Variants in CREB3L2 observed in about 807,000 individuals in gnomAD.
CREB3L2 encodes the protein cyclic AMP-responsive element-binding protein 3-like protein 2.
Under a neutral mutation model 57.2 loss-of-function variants are expected in CREB3L2, and 23 were observed. The ratio of observed to expected loss-of-function variants is 0.40; its 90% confidence interval spans 0.29 to 0.57. The LOEUF is 0.57. Among genes scored for constraint, CREB3L2 ranks in the 20% least tolerant of loss-of-function variants. The pLI is 0.42. For missense variants in CREB3L2, 628 were observed against 634.7 expected, an observed-to-expected ratio of 0.99 and a Z score of 0.11; for synonymous variants, 268 against 265.1, an observed-to-expected ratio of 1.01 and a Z score of -0.11.
chr7:137,975,008 A>G (rs1415397483), intron 1 of CREB3L2, among the ~76,000 whole-genome samples: 1 of 152,236 alleles, frequency 6.6e-6, no homozygotes, highest in Non-Finnish European at 1.5e-5. Flanking sequence ...TTACAGAATG[A>G]GAAGAAATGA....
In CREB3L2 at chr7:137,928,184, G is replaced by A. The variant is rs1192634939; in HGVS notation, c.285C>T (p.Phe95=). 1.9e-6 allele frequency: 3 copies of A among 1,589,968 alleles called. No individual in the cohort carries two copies. Among genetic ancestry groups the A allele is most frequent in the Admixed American group, 1.8e-5 (1 of 56,338 alleles). ...AGCTGTCACTGGTGGTAATGTGGGTGAAGGGCGACTGGGCCCGAGGCTCCT... is the reference window on the plus strand; with the variant it reads ...AGCTGTCACTGGTGGTAATGTGGGTAAAGGGCGACTGGGCCCGAGGCTCCT... The part of the protein sequence containing the change: ...LCEEPRAQSP[F]THITTSDSFN... The change falls in exon 2 of 12, where the codon TTC becomes TTT. Residue 95 remains phenylalanine, a synonymous_variant. Transcript: ENST00000330387.
chr7:137,943,353 C>T (rs1563261291), intron 1 of CREB3L2, among the ~76,000 whole-genome samples: 1 of 151,934 alleles, frequency 6.6e-6, no homozygotes, highest in Non-Finnish European at 1.5e-5. Context: ...AGAATGGCTT[C>T]CCTTGAGGAT....
In CREB3L2 at chr7:137,923,256, G is replaced by C. The variant is rs1387624228; in HGVS notation, c.319+4894C>G. Reference sequence around the variant, plus strand: ...AGCACTGCAATGGCTACGCAGAGAAGTCATTATTTTACTTTTTTCAAAAAA... The same window carrying C: ...AGCACTGCAATGGCTACGCAGAGAACTCATTATTTTACTTTTTTCAAAAAA... On this transcript the variant is annotated intron_variant, in intron 2 of 11. Coordinates refer to ENST00000330387, the MANE Select transcript of CREB3L2 (RefSeq NM_194071.4). Among the ~76,000 whole-genome samples the C allele has an allele frequency of 2.0e-5, 3 of 152,238 alleles. No individual in the cohort carries two copies. The East Asian group carries it at 5.8e-4, about 29-fold the overall frequency.
At chr7:137,881,751 C>T (rs925547910) in intron 11 of CREB3L2, among the ~76,000 whole-genome samples, 1 of 152,142 alleles carries the variant, frequency 6.6e-6, no homozygotes, top group Non-Finnish European at 1.5e-5. Flanking sequence ...GGGACCTCCC[C>T]TATTACAACA....
At chr7:137,934,687 A>C (rs926670127) in intron 1 of CREB3L2, among the ~76,000 whole-genome samples, 11 of 152,260 alleles carry the variant, frequency 7.2e-5, no homozygotes, top group African/African-American at 2.7e-4. Flanking sequence ...AAACATGCCA[A>C]GAGTTTGTTA....
chr7:137,999,579 TAACA>T (rs1382646529), intron 1 of CREB3L2: 5 of 152,078 alleles, frequency 3.3e-5, no homozygotes, highest in African/African-American at 9.7e-5. Flanking sequence ...TCAGCTAGAG[TAACA>T]AACAGCTCTG....
chr7:137,963,983 T>G (rs1801366013), intron 1 of CREB3L2, among the ~76,000 whole-genome samples: 1 of 152,246 alleles, frequency 6.6e-6, no homozygotes, highest in African/African-American at 2.4e-5. Context: ...AATAAATTCC[T>G]AGAAGATCCT....
intron 1 of CREB3L2, among the ~76,000 whole-genome samples, chr7:137,948,561 C>T (rs750707978): frequency 2.6e-5 from 4 of 152,144 alleles, no homozygotes; most frequent in Non-Finnish European, 5.9e-5. Context: ...AAAGCCACTG[C>T]AAGTTAACAG....
At chr7:137,881,350 C>T (rs142576487) in intron 11 of CREB3L2, among the ~76,000 whole-genome samples, 23 of 152,260 alleles carry the variant, frequency 1.5e-4, no homozygotes, top group Admixed American at 1.3e-3. Flanking sequence ...ATTGACATGA[C>T]GCTCAAAGGA....
intron 8 of CREB3L2, among the ~76,000 whole-genome samples, chr7:137,899,789 C>T (rs1799714985): frequency 6.6e-6 from 1 of 152,182 alleles, no homozygotes; most frequent in South Asian, 2.1e-4. Context: ...CAGGGGGATC[C>T]CACTGGCGGT....
Position 137,877,752 on chromosome 7 carries a change from A to C in CREB3L2, c.*2724T>G, listed in dbSNP as rs757936281. On this transcript the variant is annotated 3_prime_UTR_variant, in exon 12 of 12. Transcript: ENST00000330387. ...GTCTGCCACTATTTGAAATCTTTAG[A>C]GCTAATCATAAGTTAATGACTAGTC... 1.3e-5 allele frequency: 3 copies of C among 228,332 alleles called. No homozygotes were observed. Among genetic ancestry groups the C allele is most frequent in the Admixed American group, 5.7e-5 (1 of 17,624 alleles). 14.1% of individuals were successfully genotyped at this position (228,332 alleles called of 1,614,324 possible).
intron 2 of CREB3L2, among the ~76,000 whole-genome samples, chr7:137,927,401 A>AGGAG (rs1186973226): frequency 5.1e-5 from 7 of 136,654 alleles, no homozygotes; most frequent in African/African-American, 1.9e-4. Context: ...GAAGGAGGGA[A>AGGAG]GGAAGGGAAG....
chr7:137,946,557 C>A (rs1318863965), intron 1 of CREB3L2, among the ~76,000 whole-genome samples: 5 of 151,604 alleles, frequency 3.3e-5, no homozygotes, highest in African/African-American at 1.2e-4. Flanking sequence ...GAGGACAGGA[C>A]CCAGCTAAGC....
In CREB3L2 at chr7:137,911,302, A is replaced by G. The variant is rs1432832905; in HGVS notation, c.583+1689T>C. On this transcript the variant is annotated intron_variant, in intron 4 of 11. Coordinates refer to ENST00000330387, the MANE Select transcript of CREB3L2 (RefSeq NM_194071.4). ...AAGTATTATTAACTTTTAAAATTTA[A>G]TCCTTTCTTTATTGATAATAAAGGC... Among the ~76,000 whole-genome samples, 3 of 152,218 alleles carry G rather than the reference A, an allele frequency of 2.0e-5. No homozygotes were observed. In the East Asian group the frequency reaches 5.8e-4, roughly 29 times the overall value.
chr7:137,963,797 A>T (rs1050062710), intron 1 of CREB3L2, among the ~76,000 whole-genome samples: 1 of 152,208 alleles, frequency 6.6e-6, no homozygotes, highest in African/African-American at 2.4e-5. Flanking sequence ...ATTTGTTTTT[A>T]TAAGTTTAAA....
Position 137,878,107 on chromosome 7 carries a change from T to G in CREB3L2, c.*2369A>C, listed in dbSNP as rs560587831. On this transcript the variant is annotated 3_prime_UTR_variant, in exon 12 of 12. Coordinates refer to ENST00000330387, the MANE Select transcript of CREB3L2 (RefSeq NM_194071.4). ...GAAGGATGGTTTCCCAGAGAAAGAG[T>G]CCTGCTGTTTGGAGGTCGAGAGAGA... 4.3e-6 allele frequency: 1 copy of G among 230,576 alleles called. No individual in the cohort carries two copies. The highest frequency in any genetic ancestry group is 6.2e-5 in the East Asian group (1 of 16,124). 14.3% of individuals were successfully genotyped at this position (230,576 alleles called of 1,614,324 possible).
intron 1 of CREB3L2, among the ~76,000 whole-genome samples, chr7:137,956,411 C>G (rs774996344): frequency 2.0e-5 from 3 of 152,184 alleles, no homozygotes; most frequent in Non-Finnish European, 4.4e-5. Flanking sequence ...GCAGTGTTAG[C>G]AGTGGACAGT....
chr7:137,927,383 AAGGGAG>A, intron 2 of CREB3L2, among the ~76,000 whole-genome samples: 1 of 134,804 alleles, frequency 7.4e-6, no homozygotes, highest in African/African-American at 2.9e-5. Context: ...AGAGAGAAGG[AAGGGAG>A]GGAAGGAGGG....
chr7:137,992,791 A>G (rs967737533), intron 1 of CREB3L2, among the ~76,000 whole-genome samples: 5 of 152,244 alleles, frequency 3.3e-5, no homozygotes, highest in Admixed American at 2.6e-4. Flanking sequence ...TTATGAGACA[A>G]TCCTGTGGTC....
Sources: allele counts gnomAD v4.1 joint callset (sites outside exome capture counted in the v4.1 genomes callset), GRCh38; gene constraint gnomAD v4.1.1; transcripts MANE v1.5; gene names NCBI Gene and HGNC (gene_info 2026-07-23, HGNC 2026-07-21).